Variants in CRTAC1 observed in about 807,000 individuals in gnomAD.
The protein encoded by CRTAC1 is acidic secreted protein in cartilage.
CRTAC1 carries 37 observed loss-of-function variants against 67.8 expected under a neutral mutation model. The observed-to-expected ratio is 0.55, with a 90% CI of 0.42 to 0.72. The LOEUF is 0.72. Ranked by LOEUF, CRTAC1 falls within the 30% of genes least tolerant of loss-of-function variation. CRTAC1 has a pLI of 0.00. For synonymous variants in CRTAC1, 348 were observed against 371.0 expected (o/e 0.94, Z 0.71); for missense variants, 780 against 931.6 (o/e 0.84, Z 2.12).
At chr10:97,890,621 C>T (rs2050355995) in intron 11 of CRTAC1, among the ~76,000 whole-genome samples, 2 of 152,110 alleles carry the variant, frequency 1.3e-5, no homozygotes, top group African/African-American at 4.8e-5. Context: ...TCTCTGCACT[C>T]CCAATCCATT....
At chr10:97,865,776 A>G in intron 14 of CRTAC1, 62 bp from the exon 15 acceptor site, 3 of 1,293,158 alleles carry the variant, frequency 2.3e-6, no homozygotes, top group South Asian at 1.4e-5. Context: ...GCGCTACCAG[A>G]GCACCCGCTT....
chr10:97,939,092 C>T (rs2136617598), intron 2 of CRTAC1, among the ~76,000 whole-genome samples: 1 of 152,298 alleles, frequency 6.6e-6, no homozygotes, highest in East Asian at 1.9e-4. Context: ...AGCACTGACA[C>T]CCTTCCCCTG....
At chr10:97,878,838 T>G in intron 14 of CRTAC1, 1 of 584,766 alleles carries the variant, frequency 1.7e-6, no homozygotes, top group South Asian at 2.0e-5. Flanking sequence ...GAGAAGTGAC[T>G]TCCTGCAGGT....
At chr10:97,961,795 G>A (rs180822370) in intron 2 of CRTAC1, among the ~76,000 whole-genome samples, 12 of 152,310 alleles carry the variant, frequency 7.9e-5, no homozygotes, top group Middle Eastern at 3.4e-3. Flanking sequence ...AGTAGTCTGG[G>A]AGGCCACGGT....
In CRTAC1 at chr10:97,901,572, T is replaced by C; in HGVS notation, c.1064A>G (p.Asn355Ser). 6.2e-7 allele frequency: 1 copy of C among 1,614,220 alleles called. No homozygotes were observed. Among genetic ancestry groups the C allele is most frequent in the Non-Finnish European group, 8.5e-7 (1 of 1,180,038 alleles). ...VRTVITADFDNDQELEIFFNN... is the reference protein window; with the variant it reads ...VRTVITADFDSDQELEIFFNN... Reference sequence around the variant, plus strand: ...GAAGAAGATCTCCAGCTCCTGGTCATTGTCAAAGTCGGCGGTGATGACCGT... The same window carrying C: ...GAAGAAGATCTCCAGCTCCTGGTCACTGTCAAAGTCGGCGGTGATGACCGT... Residue 355 changes from asparagine to serine, a missense_variant, in exon 8 of 15, where the codon AAT (asparagine) becomes AGT (serine). By Grantham distance (46) the Asn-to-Ser change is conservative (BLOSUM62 1). Transcript: ENST00000370597.
At chr10:97,931,836 C>G (rs2862050) in intron 3 of CRTAC1, among the ~76,000 whole-genome samples, 2 of 152,042 alleles carry the variant, frequency 1.3e-5, no homozygotes, top group Non-Finnish European at 2.9e-5. Context: ...TGTGACCCCC[C>G]CCAGGGGATG....
intron 2 of CRTAC1, among the ~76,000 whole-genome samples, chr10:97,995,627 T>A (rs1490689627): frequency 6.6e-6 from 1 of 152,118 alleles, no homozygotes; most frequent in Non-Finnish European, 1.5e-5. Context: ...AAGGAAAATC[T>A]CCAAGAACCA....
At position 98,008,563 on chromosome 10, in the gene CRTAC1, C is replaced by T. The variant is rs149210053; in HGVS notation, c.224+2575G>A. Among the ~76,000 whole-genome samples, 380 of 151,970 alleles carry T rather than the reference C, an allele frequency of 2.5e-3. 1 individual carries two copies. Among genetic ancestry groups the T allele is most frequent in the African/African-American group, 8.8e-3 (365 of 41,284 alleles). On this transcript the variant is annotated intron_variant, in intron 2 of 14. Transcript: ENST00000370597. ...GAGTGCAAGGTACTGAAATCAGAGA[C>T]AGCTTTGCAGTGGAGACAGGGAGAG...
At position 97,975,310 on chromosome 10, in the gene CRTAC1, C is replaced by A. The variant is rs1474527514; in HGVS notation, c.224+35828G>T. On this transcript the variant is annotated intron_variant, in intron 2 of 14. Coordinates refer to ENST00000370597, the MANE Select transcript of CRTAC1 (RefSeq NM_018058.7). The surrounding 1 kb of genome is among the most constrained non-coding windows in gnomAD (Gnocchi z 4.8). ...GCCCCCTCACGGAGCACGGGTGCTG[C>A]GGGAGGCGCCAGGGCCGGTTCCTGA... is the stretch of plus-strand genomic sequence containing the variant. Among the ~76,000 whole-genome samples the A allele has an allele frequency of 6.6e-6, 1 of 151,926 alleles. No individual in the cohort carries two copies. The highest frequency in any genetic ancestry group is 6.6e-5 in the Admixed American group (1 of 15,266).
chr10:98,010,985 G>A (rs1842894121), intron 2 of CRTAC1, among the ~76,000 whole-genome samples, 153 bp downstream of exon 2: 1 of 152,188 alleles, frequency 6.6e-6, no homozygotes, highest in Admixed American at 6.5e-5. Context: ...CCCCAGCTGA[G>A]CCCAGCCAAG....
chr10:97,941,490 C>T (rs910614865), intron 2 of CRTAC1, among the ~76,000 whole-genome samples: 1 of 152,166 alleles, frequency 6.6e-6, no homozygotes, highest in East Asian at 1.9e-4. Context: ...GGCTACCTGA[C>T]ATCACCCCTT....
chr10:97,866,682 GTGTC>G (rs2050029214), intron 14 of CRTAC1: 1 of 152,260 alleles, frequency 6.6e-6, no homozygotes, highest in Non-Finnish European at 1.5e-5. Context: ...ACACCTGTGT[GTGTC>G]TGAGTACATG....
Position 97,986,579 on chromosome 10 carries a change from A to G in CRTAC1, c.224+24559T>C, listed in dbSNP as rs1313397085. Among the ~76,000 whole-genome samples the G allele has an allele frequency of 2.0e-5, 3 of 152,366 alleles. No individual in the cohort carries two copies. The South Asian group carries it at 6.2e-4, about 32-fold the overall frequency. ...AACCCCCATCATCTATGATATAACC[A>G]TAAAAATACTTTTCAACACCAGAAA... On this transcript the variant is annotated intron_variant, in intron 2 of 14. Transcript: ENST00000370597.
At chr10:97,909,157 G>C (rs2050654199) in intron 5 of CRTAC1, among the ~76,000 whole-genome samples, 1 of 152,122 alleles carries the variant, frequency 6.6e-6, no homozygotes, top group Non-Finnish European at 1.5e-5. Flanking sequence ...TCAAATCTGA[G>C]CTATCCACGT....
intron 6 of CRTAC1, among the ~76,000 whole-genome samples, chr10:97,905,213 C>A (rs1300786457): frequency 1.3e-5 from 2 of 152,142 alleles, no homozygotes; most frequent in African/African-American, 4.8e-5. Flanking sequence ...TCATGCCCTC[C>A]AATCCTTTTA....
chr10:98,022,927 C>T (rs1297899745), intron 1 of CRTAC1, among the ~76,000 whole-genome samples: 1 of 152,080 alleles, frequency 6.6e-6, no homozygotes, highest in Non-Finnish European at 1.5e-5. Flanking sequence ...AGTTCTTTTC[C>T]AGGCCTAATA....
intron 14 of CRTAC1, among the ~76,000 whole-genome samples, chr10:97,876,494 G>A (rs1293360569): frequency 6.6e-6 from 1 of 152,090 alleles, no homozygotes; most frequent in Non-Finnish European, 1.5e-5. Flanking sequence ...GTTGAAAAAT[G>A]GGGAGCATTT....
chr10:97,872,789 G>T (rs1208506547), intron 14 of CRTAC1, among the ~76,000 whole-genome samples: 1 of 152,220 alleles, frequency 6.6e-6, no homozygotes, highest in Non-Finnish European at 1.5e-5. Flanking sequence ...GCTCCCCAGT[G>T]CAGATCTAAA....
rs1300405910 is a variant in CRTAC1, at chr10:98,029,488, AGCAGCGGCGGCGGCG to A, written c.24+946_24+960del. Among the ~76,000 whole-genome samples the A allele has an allele frequency of 6.3e-4, 78 of 122,838 alleles. No homozygotes were observed. Among genetic ancestry groups the A allele is most frequent in the African/African-American group, 1.5e-3 (46 of 29,952 alleles). The allele number at this position is 122,838 out of a possible 152,430, so 80.6% of individuals were successfully genotyped here. ...CACACTGGGTGCACCCACCAGCAGC[AGCAGCGGCGGCGGCG>A]GCGGCGGCGGCGGCGGCGGCGGCGG... On this transcript the variant is annotated intron_variant, in intron 1 of 14. Coordinates refer to ENST00000370597, the MANE Select transcript of CRTAC1 (RefSeq NM_018058.7). This position sits in a 1 kb window ranked among gnomAD's most constrained non-coding sequence, Gnocchi z 4.7.
Sources: gnomAD v4.1 joint callset for allele counts (sites outside exome capture counted in the v4.1 genomes callset) on GRCh38, gnomAD v4.1.1 for gene constraint, Gnocchi (gnomAD v3.1) non-coding constraint, MANE v1.5 for transcripts, NCBI Gene and HGNC (gene_info 2026-07-23, HGNC 2026-07-21) for gene names.